The following MTBP variants were observed in gnomAD, a reference collection of about 807,000 sequenced individuals.
The protein encoded by MTBP is mdm2-binding protein.
MTBP carries 101 observed loss-of-function variants against 117.0 expected under a neutral mutation model. The ratio of observed to expected loss-of-function variants is 0.86; its 90% confidence interval spans 0.73 to 1.02. The LOEUF (loss-of-function observed/expected upper bound fraction) is 1.02, where lower values mean the gene tolerates loss of function less well. Among genes scored for constraint, MTBP ranks in the 50% least tolerant of loss-of-function variants. The pLI is 0.00. For missense variants in MTBP, 970 were observed against 1,030.9 expected (o/e 0.94, Z 0.81); for synonymous variants, 350 against 351.5 (o/e 1.00, Z 0.05).
At chr8:120,488,007 C>T (rs1033073895) in intron 11 of MTBP, 152 bp from the exon 12 acceptor site, 2 of 501,504 alleles carry the variant, frequency 4.0e-6, no homozygotes, top group Non-Finnish European at 6.6e-6. Flanking sequence ...ACAGCTTTCT[C>T]AATTAAATGA....
chr8:120,492,998 C>A (rs1814378068), intron 13 of MTBP, among the ~76,000 whole-genome samples: 1 of 152,082 alleles, frequency 6.6e-6, no homozygotes, highest in Non-Finnish European at 1.5e-5. Flanking sequence ...CAGTATGATG[C>A]AAGATAAGTA....
Position 120,451,312 on chromosome 8 carries a change from T to C in MTBP, c.415T>C (p.Ser139Pro). The change falls in exon 4 of 22, where the codon TCC becomes CCC. Residue 139 changes from serine (S) to proline (P), a missense_variant. Coordinates refer to ENST00000305949, the MANE Select transcript of MTBP (RefSeq NM_022045.5). ...AGACAGTAATAGCAGGGAATCATTA[T>C]CCTTGGCTGAGTATGCTTATATGGT... The part of the protein sequence containing the change: ...EEDSNSRESL[S>P]LADLYEEAAE... 1 of 1,612,522 alleles carries C rather than the reference T, an allele frequency of 6.2e-7. No homozygotes were observed. Among genetic ancestry groups the C allele is most frequent in the African/African-American group, 1.3e-5 (1 of 75,002 alleles).
chr8:120,498,673 A>G (rs1240378179), intron 14 of MTBP, among the ~76,000 whole-genome samples: 1 of 152,180 alleles, frequency 6.6e-6, no homozygotes, highest in Non-Finnish European at 1.5e-5. Context: ...TGAGGAGAGA[A>G]CTACAAGTAG....
intron 15 of MTBP, 141 bp downstream of exon 15, chr8:120,502,750 G>C: frequency 1.8e-6 from 1 of 561,256 alleles, no homozygotes. Flanking sequence ...TGAATAGATA[G>C]TTAATCACTA....
At chr8:120,473,544 CTGTT>C (rs1273067331) in intron 11 of MTBP, 1 of 152,126 alleles carries the variant, frequency 6.6e-6, no homozygotes, top group African/African-American at 2.4e-5. Context: ...AATTATAAGT[CTGTT>C]TGGCCAACAC....
At chr8:120,497,343 T>G in intron 13 of MTBP, 50 bp from the exon 14 acceptor site, 3 of 1,470,790 alleles carry the variant, frequency 2.0e-6, no homozygotes, top group Non-Finnish European at 2.7e-6. Flanking sequence ...GACTAGTAGA[T>G]GAGCTCCAGA....
chr8:120,473,842 C>T (rs954603641), intron 11 of MTBP: 1 of 152,056 alleles, frequency 6.6e-6, no homozygotes, highest in African/African-American at 2.4e-5. Flanking sequence ...TGATCCATTT[C>T]TCAGCTTTAC....
intron 13 of MTBP, among the ~76,000 whole-genome samples, chr8:120,497,126 A>G (rs560761060): frequency 4.6e-5 from 7 of 152,328 alleles, no homozygotes; most frequent in Admixed American, 4.6e-4. Context: ...TCTGCAATAT[A>G]TTTCTGAAGG....
At chr8:120,463,289 C>T (rs1813619292) in intron 9 of MTBP, among the ~76,000 whole-genome samples, 1 of 152,038 alleles carries the variant, frequency 6.6e-6, no homozygotes, top group African/African-American at 2.4e-5. Context: ...ATATATTCAA[C>T]ATATTTTAAA....
chr8:120,462,126 C>T (rs779242664), intron 9 of MTBP, among the ~76,000 whole-genome samples: 86 of 152,146 alleles, frequency 5.7e-4, no homozygotes, highest in Non-Finnish European at 1.1e-3. Context: ...CCTAAAAGAC[C>T]TTACGTATCA....
intron 14 of MTBP, among the ~76,000 whole-genome samples, chr8:120,500,857 G>C (rs1456614981): frequency 1.3e-5 from 2 of 151,820 alleles, no homozygotes; most frequent in East Asian, 3.9e-4. Context: ...AGATGTTCGA[G>C]ACCAACCTGG....
At chr8:120,470,968 G>A in intron 11 of MTBP, 31 bp downstream of exon 11, 3 of 1,378,624 alleles carry the variant, frequency 2.2e-6, no homozygotes, top group East Asian at 2.3e-5. Flanking sequence ...TTGTTTTAAT[G>A]ATGCAGCATA....
intron 10 of MTBP, among the ~76,000 whole-genome samples, chr8:120,467,538 A>G (rs1813724366): frequency 6.6e-6 from 1 of 152,208 alleles, no homozygotes; most frequent in Non-Finnish European, 1.5e-5. Flanking sequence ...CCAGGGAGGC[A>G]GAGGTTGCAG....
At chr8:120,458,805 C>T (rs181476621) in intron 7 of MTBP, among the ~76,000 whole-genome samples, 1 of 149,570 alleles carries the variant, frequency 6.7e-6, no homozygotes, top group East Asian at 2.0e-4. Context: ...TGCGCCACTG[C>T]ACTCCAGCCT....
intron 9 of MTBP, among the ~76,000 whole-genome samples, chr8:120,461,866 G>T (rs1813588467): frequency 1.3e-5 from 2 of 152,244 alleles, no homozygotes. Flanking sequence ...TCATAGCATA[G>T]AGTAAGCACT....
chr8:120,515,599 G>A (rs1382143120), intron 17 of MTBP, among the ~76,000 whole-genome samples: 1 of 151,968 alleles, frequency 6.6e-6, no homozygotes, highest in East Asian at 1.9e-4. Context: ...AGAAATCAGG[G>A]GTTGGTAGAG....
chr8:120,450,673 C>T (rs557750543), intron 2 of MTBP, among the ~76,000 whole-genome samples: 12 of 152,166 alleles, frequency 7.9e-5, no homozygotes, highest in African/African-American at 2.6e-4. Context: ...TTGCTTTACT[C>T]AGTAGTAATT....
chr8:120,462,640 C>A (rs773971813), intron 9 of MTBP, among the ~76,000 whole-genome samples: 4 of 152,162 alleles, frequency 2.6e-5, no homozygotes, highest in Admixed American at 6.6e-5. Flanking sequence ...TACTTCTTTT[C>A]TCTGTCCTCA....
chr8:120,512,847 G>A (rs973475812), intron 17 of MTBP, among the ~76,000 whole-genome samples: 2 of 151,904 alleles, frequency 1.3e-5, no homozygotes, highest in East Asian at 1.9e-4. Flanking sequence ...TATGAGAACC[G>A]ATTTATGTTC....
Sources: allele counts gnomAD v4.1 joint callset (sites outside exome capture counted in the v4.1 genomes callset), GRCh38; gene constraint gnomAD v4.1.1; transcripts MANE v1.5; gene names NCBI Gene and HGNC (gene_info 2026-07-23, HGNC 2026-07-21).